KCNV1: variants seen among roughly 807,000 people sequenced by gnomAD.
The protein encoded by KCNV1 is potassium voltage-gated channel modifier subfamily V member 1.
KCNV1 carries 2 observed loss-of-function variants against 36.4 expected under a neutral mutation model. The ratio of observed to expected loss-of-function variants is 0.05; its 90% CI spans 0.02 to 0.17. The LOEUF (loss-of-function observed/expected upper bound fraction) is 0.17. KCNV1 is among the 10% of genes least tolerant of loss of function. KCNV1 has a pLI of 1.00. For missense variants in KCNV1, 321 were observed against 643.6 expected, an observed-to-expected ratio of 0.50 and a Z score of 5.42; for synonymous variants, 280 against 261.1, an observed-to-expected ratio of 1.07 and a Z score of -0.70.
rs747682281 is a variant in KCNV1, at chr8:109,968,205, T to C, written c.1386A>G (p.Ser462=). Residue 462 remains serine (S), a synonymous_variant, in exon 4 of 4, where the codon TCA becomes TCG. Coordinates refer to ENST00000524391, the MANE Select transcript of KCNV1 (RefSeq NM_014379.4). This position sits in a 1 kb window ranked among gnomAD's most constrained non-coding sequence, Gnocchi z 5.3. ...CATCTCTCAAGTTAACACTGATATA[T>C]GAGTCAGTGGCTATATTCTTGGTAA... ...KKLTKNIATD[S]YISVNLRDVY... is the part of the protein sequence containing the mutation. 1 of 1,614,180 alleles carries C rather than the reference T, an allele frequency of 6.2e-7. No individual in the cohort carries two copies. Among genetic ancestry groups the C allele is most frequent in the Non-Finnish European group, 8.5e-7 (1 of 1,180,034 alleles).
chr8:109,973,781 C>CCCCCCTGTCAGCCCCGAAGTGG, intron 2 of KCNV1, 147 bp downstream of exon 2: 1 of 428,400 alleles, frequency 2.3e-6, no homozygotes, highest in Non-Finnish European at 4.1e-6. Context: ...CCACCCCCAC[C>CCCCCCTGTCAGCCCCGAAGTGG]CCACCTGTCA....
Position 109,974,289 on chromosome 8 carries a change from G to A in KCNV1, c.100C>T (p.Pro34Ser), listed in dbSNP as rs1173700048. The change falls in exon 2 of 4, where the codon CCC becomes TCC. Residue 34 changes from proline to serine, a missense_variant. Pro to Ser is a moderately conservative substitution (Grantham distance 74, BLOSUM62 -1). Coordinates refer to ENST00000524391, the MANE Select transcript of KCNV1 (RefSeq NM_014379.4). The surrounding 1 kb of genome is among the most constrained non-coding windows in gnomAD (Gnocchi z 6.2). ...SVFCSEGEGE[P>S]LALGDCFTVN... is the part of the protein sequence containing the mutation. ...GTGAAGCAGTCCCCGAGCGCCAAGG[G>A]CTCCCCTTCACCCTCGCTGCAGAAG... 5 of 1,547,244 alleles carry A rather than the reference G, an allele frequency of 3.2e-6. No homozygotes were observed. Among genetic ancestry groups the A allele is most frequent in the Non-Finnish European group, 1.7e-6 (2 of 1,149,406 alleles).
intron 2 of KCNV1, among the ~76,000 whole-genome samples, chr8:109,973,620 A>G (rs1025400242): frequency 6.6e-6 from 1 of 152,208 alleles, no homozygotes; most frequent in Non-Finnish European, 1.5e-5. Flanking sequence ...TTTTTGGAGC[A>G]TGGCGTTTCT....
chr8:109,974,757 TC>T lies in KCNV1; in HGVS notation c.-370del, dbSNP rs1260263589. On this transcript the variant is annotated 5_prime_UTR_variant, in exon 2 of 4. Coordinates refer to ENST00000524391, the MANE Select transcript of KCNV1 (RefSeq NM_014379.4). The surrounding 1 kb of genome is among the most constrained non-coding windows in gnomAD (Gnocchi z 6.2). ...CGCCTCCCAACTTCGCAATTGCGATTCCCAGCCCAGGAGGTGTACAGATTGA... is the reference window on the plus strand; with the variant it reads ...CGCCTCCCAACTTCGCAATTGCGATTCCAGCCCAGGAGGTGTACAGATTGA... 1 of 282,464 alleles carries T rather than the reference TC, an allele frequency of 3.5e-6. No homozygotes were observed. Among genetic ancestry groups the T allele is most frequent in the Non-Finnish European group, 6.7e-6 (1 of 149,938 alleles). The allele number at this position is 282,464 out of a possible 1,614,324, so 17.5% of individuals were successfully genotyped here. A position where few individuals can be genotyped will look rare whatever the true frequency, so the allele number is the denominator to read the frequency against.
Position 109,974,545 on chromosome 8 carries a change from T to C in KCNV1, c.-157A>G, listed in dbSNP as rs1279428067. 2 of 606,984 alleles carry C rather than the reference T, an allele frequency of 3.3e-6. No individual in the cohort carries two copies. The highest frequency in any genetic ancestry group is 2.8e-5 in the East Asian group (1 of 35,600). 37.6% of individuals were successfully genotyped at this position (606,984 alleles called of 1,614,324 possible). Reference sequence around the variant, plus strand: ...TCCTTGGCGCACCCTCTCCACCCGCTGTGCGCCTTCCTCCTCCTGCCGCTA... The same window carrying C: ...TCCTTGGCGCACCCTCTCCACCCGCCGTGCGCCTTCCTCCTCCTGCCGCTA... On this transcript the variant is annotated 5_prime_UTR_variant, in exon 2 of 4. Coordinates refer to ENST00000524391, the MANE Select transcript of KCNV1 (RefSeq NM_014379.4). This position sits in a 1 kb window ranked among gnomAD's most constrained non-coding sequence, Gnocchi z 6.2.
At position 109,967,982 on chromosome 8, in the gene KCNV1, G is replaced by T; in HGVS notation, c.*106C>A. 9.2e-7 allele frequency: 1 copy of T among 1,087,394 alleles called. No individual in the cohort carries two copies. Among genetic ancestry groups the T allele is most frequent in the South Asian group, 1.7e-5 (1 of 59,916 alleles). The allele number at this position is 1,087,394 out of a possible 1,614,324, so 67.4% of individuals were successfully genotyped here. ...TATATCAGCAAAAATTAATTAAGAT[G>T]AGCAGTACTCTGAAGAGACTCATCA... On this transcript the variant is annotated 3_prime_UTR_variant, in exon 4 of 4. Transcript: ENST00000524391.
intron 1 of KCNV1, 24 bp from the exon 2 acceptor site, chr8:109,975,216 AATG>A (rs1292219181): frequency 1.3e-5 from 2 of 152,062 alleles, no homozygotes; most frequent in African/African-American, 4.8e-5. Flanking sequence ...AAGAATAATT[AATG>A]ATGACTTTTT....
intron 2 of KCNV1, among the ~76,000 whole-genome samples, chr8:109,973,537 T>C (rs933570238): frequency 5.3e-5 from 8 of 152,258 alleles, no homozygotes; most frequent in African/African-American, 1.9e-4. Context: ...TCCATTCAAG[T>C]TTTTCAAAGT....
Position 109,966,870 on chromosome 8 carries a change from T to C in KCNV1, c.*1218A>G, listed in dbSNP as rs546874298. On this transcript the variant is annotated 3_prime_UTR_variant, in exon 4 of 4. Transcript: ENST00000524391. ...TAAATGAAGTGATAAGATTTTTTTTTCCTCAAGAACCAATTTTCTTCCCCT... is the reference window on the plus strand; with the variant it reads ...TAAATGAAGTGATAAGATTTTTTTTCCCTCAAGAACCAATTTTCTTCCCCT... 4.3e-4 allele frequency: 66 copies of C among 152,282 alleles called. No individual in the cohort carries two copies. The highest frequency in any genetic ancestry group is 1.5e-3 in the African/African-American group (64 of 41,578). The allele number at this position is 152,282 out of a possible 1,614,324, so 9.4% of individuals were successfully genotyped here.
At position 109,974,281 on chromosome 8, in the gene KCNV1, C is replaced by A; in HGVS notation, c.108G>T (p.Ala36=). 1 of 1,549,014 alleles carries A rather than the reference C, an allele frequency of 6.5e-7. No individual in the cohort carries two copies. The highest frequency in any genetic ancestry group is 8.7e-7 in the Non-Finnish European group (1 of 1,149,660). ...CGTTGACCGTGAAGCAGTCCCCGAG[C>A]GCCAAGGGCTCCCCTTCACCCTCGC... ...FCSEGEGEPL[A]LGDCFTVNVG... The change falls in exon 2 of 4, where the codon GCG becomes GCT. Residue 36 remains alanine (A), a synonymous_variant. Transcript: ENST00000524391. The surrounding 1 kb of genome is among the most constrained non-coding windows in gnomAD (Gnocchi z 6.2).
At chr8:109,973,378 G>C (rs991250020) in intron 2 of KCNV1, among the ~76,000 whole-genome samples, 1 of 152,222 alleles carries the variant, frequency 6.6e-6, no homozygotes, top group Non-Finnish European at 1.5e-5. Context: ...TTTCTGGTAA[G>C]AACAGATGTT....
chr8:109,974,060 A>G lies in KCNV1; in HGVS notation c.329T>C (p.Phe110Ser). ...EYFFDRSSQAFRYVLHYYRTG... is the reference protein window; with the variant it reads ...EYFFDRSSQASRYVLHYYRTG... ...GCGGTAGTAGTGCAGGACATATCGG[A>G]ACGCCTGCGAGCTGCGGTCGAAGAA... is the stretch of plus-strand genomic sequence containing the variant. The change falls in exon 2 of 4, where the codon TTC (phenylalanine) becomes TCC (serine). Residue 110 changes from phenylalanine to serine, a missense_variant. Coordinates refer to ENST00000524391, the MANE Select transcript of KCNV1 (RefSeq NM_014379.4). The surrounding 1 kb of genome is among the most constrained non-coding windows in gnomAD (Gnocchi z 6.2). 6.2e-7 allele frequency: 1 copy of G among 1,613,482 alleles called. No homozygotes were observed. Among genetic ancestry groups the G allele is most frequent in the Non-Finnish European group, 8.5e-7 (1 of 1,179,942 alleles).
intron 3 of KCNV1, among the ~76,000 whole-genome samples, chr8:109,969,591 A>C (rs939887240): frequency 2.6e-5 from 4 of 152,154 alleles, no homozygotes; most frequent in African/African-American, 9.7e-5. Flanking sequence ...TCACGCCTAT[A>C]ATCTCAGCAC....
Position 109,968,710 on chromosome 8 carries a change from A to G in KCNV1, c.992-111T>C, listed in dbSNP as rs1187504973. The G allele has an allele frequency of 1.9e-6, 2 of 1,049,562 alleles. No individual in the cohort carries two copies. The highest frequency in any genetic ancestry group is 3.2e-5 in the African/African-American group (2 of 62,442). 65.0% of individuals were successfully genotyped at this position (1,049,562 alleles called of 1,614,324 possible). On this transcript the variant is annotated intron_variant, in intron 3 of 3. Coordinates refer to ENST00000524391, the MANE Select transcript of KCNV1 (RefSeq NM_014379.4). The surrounding 1 kb of genome is among the most constrained non-coding windows in gnomAD (Gnocchi z 5.3). ...CACCCACAAACTGCACTGCACACTT[A>G]AATGTCCCCAGCACTGGGCAATGTT...
chr8:109,973,788 G>A, intron 2 of KCNV1, 140 bp downstream of exon 2: 1 of 78,660 alleles, frequency 1.3e-5, no homozygotes, highest in Non-Finnish European at 2.4e-5. Context: ...CACCCCACCT[G>A]TCAGCCCAGA....
At chr8:109,975,245 G>A (rs1243892328) in intron 1 of KCNV1, 53 bp from the exon 2 acceptor site, 1 of 148,512 alleles carries the variant, frequency 6.7e-6, no homozygotes, top group Non-Finnish European at 1.5e-5. Flanking sequence ...AGACCCAGTG[G>A]GTCACTAAGA....
At position 109,965,031 on chromosome 8, in the gene KCNV1, A is replaced by C. The variant is rs1587132664; in HGVS notation, c.*3057T>G. 1 of 152,294 alleles carries C rather than the reference A, an allele frequency of 6.6e-6. No homozygotes were observed. The highest frequency in any genetic ancestry group is 1.5e-5 in the Non-Finnish European group (1 of 68,050). The allele number at this position is 152,294 out of a possible 1,614,324, so 9.4% of individuals were successfully genotyped here. A position where few individuals can be genotyped will look rare whatever the true frequency, so the allele number is the denominator to read the frequency against. On this transcript the variant is annotated 3_prime_UTR_variant, in exon 4 of 4. Transcript: ENST00000524391. ...CAAAGAAAGTGGCTAACACGGTGAA[A>C]CCCCGTCTCTGCTAAAAATACAAAA...
At position 109,972,860 on chromosome 8, in the gene KCNV1, C is replaced by T; in HGVS notation, c.462-73G>A. The stretch of plus-strand genomic sequence containing the variant: ...AGAAGTATAAGATAATTAAACATGG[C>T]AGGGAGGTCAGACTTTTTCATTCAA... On this transcript the variant is annotated intron_variant, in intron 2 of 3. Transcript: ENST00000524391. This position sits in a 1 kb window ranked among gnomAD's most constrained non-coding sequence, Gnocchi z 5.2. The T allele has an allele frequency of 3.3e-6, 4 of 1,209,634 alleles. No homozygotes were observed. The South Asian group carries it at 6.0e-5, about 18-fold the overall frequency. The allele number at this position is 1,209,634 out of a possible 1,614,324, so 74.9% of individuals were successfully genotyped here. A position where few individuals can be genotyped will look rare whatever the true frequency, so the allele number is the denominator to read the frequency against.
rs202020285 is a variant in KCNV1, at chr8:109,968,520, G to T, written c.1071C>A (p.Ile357=). The part of the protein sequence containing the change: ...GLLLLFLSVG[I]SIFSTVEYFA... ...AGTATTCTACAGTTGAAAATATAGA[G>T]ATTCCCACGGATAGAAATAGGAGCA... Residue 357 remains isoleucine (I), a synonymous_variant, in exon 4 of 4, where the codon ATC becomes ATA. Coordinates refer to ENST00000524391, the MANE Select transcript of KCNV1 (RefSeq NM_014379.4). The surrounding 1 kb of genome is among the most constrained non-coding windows in gnomAD (Gnocchi z 5.3). 2 of 1,611,172 alleles carry T rather than the reference G, an allele frequency of 1.2e-6. No individual in the cohort carries two copies. Among genetic ancestry groups the T allele is most frequent in the Non-Finnish European group, 1.7e-6 (2 of 1,177,646 alleles).
Sources: allele counts gnomAD v4.1 joint callset (sites outside exome capture counted in the v4.1 genomes callset), GRCh38; gene constraint gnomAD v4.1.1; non-coding constraint Gnocchi (gnomAD v3.1); transcripts MANE v1.5; gene names NCBI Gene and HGNC (gene_info 2026-07-23, HGNC 2026-07-21).